DCHS1: variants seen among roughly 807,000 people sequenced by gnomAD.
DCHS1 encodes the protein dachsous cadherin-related 1.
Under a neutral mutation model 213.9 loss-of-function variants are expected in DCHS1, and 78 were observed. The ratio of observed to expected loss-of-function variants is 0.36; its 90% CI spans 0.30 to 0.44. The LOEUF is 0.44. Ranked by LOEUF, DCHS1 falls within the 20% of genes least tolerant of loss-of-function variation. The pLI is 1.00. For missense variants in DCHS1, 3,946 were observed against 4,395.9 expected (o/e 0.90, Z 2.89); for synonymous variants, 1,828 against 1,873.7 (o/e 0.98, Z 0.63).
rs943667814 is a variant in DCHS1 at position 6,642,811 on chromosome 11, T to G, written c.-120-1078A>C. 2.0e-5 allele frequency among the ~76,000 whole-genome samples: 3 copies of G among 152,228 alleles called. No homozygotes were observed. In the East Asian group the frequency reaches 5.8e-4, roughly 29 times the overall value. On this transcript the variant is annotated intron_variant, in intron 1 of 20. Transcript: ENST00000299441. ...ACCTATATTTTGTGAAGATGGCTAT[T>G]GCAGTCCTTTGGAAAGCAAAGATCA...
In DCHS1 at chr11:6,622,744, C is replaced by A; in HGVS notation, c.8932G>T (p.Ala2978Ser). The A allele has an allele frequency of 1.3e-6, 2 of 1,591,448 alleles. No homozygotes were observed. The highest frequency in any genetic ancestry group is 2.3e-5 in the East Asian group (1 of 43,548). Residue 2978 changes from alanine to serine, a missense_variant, in exon 21 of 21, where the codon GCA becomes TCA. Ala to Ser is a moderately conservative substitution (Grantham distance 99). Transcript: ENST00000299441. The surrounding 1 kb of genome is among the most constrained non-coding windows in gnomAD (Gnocchi z 5.4). ...AEAAPGPMSQ[A>S]APLASDSLQK... is the part of the protein sequence containing the mutation. ...AGTGAGTCACTGGCTAGGGGTGCTGCCTGTGACATTGGGCCAGGGGCTGCC... is the reference window on the plus strand; with the variant it reads ...AGTGAGTCACTGGCTAGGGGTGCTGACTGTGACATTGGGCCAGGGGCTGCC...
In DCHS1 at chr11:6,640,056, A is replaced by T. The variant is rs765507935; in HGVS notation, c.1558T>A (p.Trp520Arg). ...YSLAPGAHTH[W>R]FSIDPTSGII... ...CCTGAGGTGGGGTCAATGGAGAACC[A>T]GTGGGTGTGGGCGCCAGGGGCTAGG... Residue 520 changes from tryptophan to arginine, a missense_variant, in exon 2 of 21, where the codon TGG (tryptophan) becomes AGG (arginine). Trp to Arg is a moderately radical substitution (Grantham distance 101). Transcript: ENST00000299441. This position sits in a 1 kb window ranked among gnomAD's most constrained non-coding sequence, Gnocchi z 6.5. The T allele has an allele frequency of 6.2e-7, 1 of 1,614,004 alleles. No individual in the cohort carries two copies. The highest frequency in any genetic ancestry group is 8.5e-7 in the Non-Finnish European group (1 of 1,179,874).
Position 6,622,454 on chromosome 11 carries a change from A to T in DCHS1, c.9222T>A (p.Asp3074Glu). Residue 3074 changes from aspartate to glutamate, a missense_variant, in exon 21 of 21, where the codon GAT (aspartate) becomes GAA (glutamate). Physicochemically the swap from Asp to Glu is conservative, Grantham distance 45. Around this residue, in one of 3 missense-constraint regions of DCHS1, gnomAD observed 554 missense variants for 590.2 expected, o/e 0.94. Transcript: ENST00000299441. The surrounding 1 kb of genome is among the most constrained non-coding windows in gnomAD (Gnocchi z 5.4). ...GTTCGCAGGATGTGTCACTCAGACCATCTGCATCCTGCTGGATGCCTGAGT... is the reference window on the plus strand; with the variant it reads ...GTTCGCAGGATGTGTCACTCAGACCTTCTGCATCCTGCTGGATGCCTGAGT... ...GPDSGIQQDA[D>E]GLSDTSCEPP... The T allele has an allele frequency of 1.3e-6, 2 of 1,562,908 alleles. No individual in the cohort carries two copies. Among genetic ancestry groups the T allele is most frequent in the Non-Finnish European group, 1.7e-6 (2 of 1,153,470 alleles).
Position 6,626,422 on chromosome 11 carries a change from G to A in DCHS1, c.6365-42C>T, listed in dbSNP as rs1470257928. The A allele has an allele frequency of 6.2e-7, 1 of 1,606,242 alleles. No homozygotes were observed. Among genetic ancestry groups the A allele is most frequent in the South Asian group, 1.1e-5 (1 of 90,440 alleles). ...GCATCAGTGATAGCCCCCTTTGCTT[G>A]CCCTGGAGCCTCCTTCTCTAAGACC... is the stretch of plus-strand genomic sequence containing the variant. On this transcript the variant is annotated intron_variant, in intron 15 of 20. Coordinates refer to ENST00000299441, the MANE Select transcript of DCHS1 (RefSeq NM_003737.4). This position sits in a 1 kb window ranked among gnomAD's most constrained non-coding sequence, Gnocchi z 5.2.
In DCHS1 at chr11:6,628,687, G is replaced by A. The variant is rs1411851788; in HGVS notation, c.5305C>T (p.Leu1769Phe). ...EVPEGQDPQT[L>F]TMLRASDPDV... The stretch of plus-strand genomic sequence containing the variant: ...GGATCAGAGGCCCGAAGCATGGTAA[G>A]GGTCTGGGGGTCCTGGCCCTCAGGC... The change falls in exon 13 of 21, where the codon CTT becomes TTT. Residue 1769 changes from leucine to phenylalanine, a missense_variant. Coordinates refer to ENST00000299441, the MANE Select transcript of DCHS1 (RefSeq NM_003737.4). The surrounding 1 kb of genome is among the most constrained non-coding windows in gnomAD (Gnocchi z 4.3). 1.9e-6 allele frequency: 3 copies of A among 1,613,930 alleles called. No homozygotes were observed. Among genetic ancestry groups the A allele is most frequent in the Non-Finnish European group, 2.5e-6 (3 of 1,179,904 alleles).
Position 6,631,661 on chromosome 11 carries a change from C to A in DCHS1, c.3630G>T (p.Thr1210=). ...CAGCAGCTCCTGAAGCCTGCAGGAACGTGGGGCTGTTGTCGTTGAGGTCAA... is the reference window on the plus strand; with the variant it reads ...CAGCAGCTCCTGAAGCCTGCAGGAAAGTGGGGCTGTTGTCGTTGAGGTCAA... The part of the protein sequence containing the change: ...AVLDLNDNSP[T]FLQASGAAGG... Residue 1210 remains threonine, a synonymous_variant, in exon 7 of 21, where the codon ACG becomes ACT. Transcript: ENST00000299441. 6.2e-7 allele frequency: 1 copy of A among 1,603,636 alleles called. No homozygotes were observed. Among genetic ancestry groups the A allele is most frequent in the Non-Finnish European group, 8.5e-7 (1 of 1,174,914 alleles).
At position 6,625,982 on chromosome 11, in the gene DCHS1, G is replaced by A. The variant is rs1277486635; in HGVS notation, c.6669C>T (p.Asp2223=). The A allele has an allele frequency of 1.2e-6, 2 of 1,613,416 alleles. No individual in the cohort carries two copies. Among genetic ancestry groups the A allele is most frequent in the Non-Finnish European group, 8.5e-7 (1 of 1,179,716 alleles). Residue 2223 remains aspartate, a synonymous_variant, in exon 17 of 21, where the codon GAC becomes GAT. Transcript: ENST00000299441. The surrounding 1 kb of genome is among the most constrained non-coding windows in gnomAD (Gnocchi z 5.3). ...SQPARGLFHV[D]PTTGTITTTA... is the part of the protein sequence containing the mutation. Reference sequence around the variant, plus strand: ...TGGTAGTGATAGTGCCTGTGGTTGGGTCTACGTGGAACAATCCACGTGCCG... The same window carrying A: ...TGGTAGTGATAGTGCCTGTGGTTGGATCTACGTGGAACAATCCACGTGCCG...
Position 6,623,293 on chromosome 11 carries a change from C to T in DCHS1, c.8383G>A (p.Ala2795Thr), listed in dbSNP as rs1443582085. The T allele has an allele frequency of 3.1e-6, 5 of 1,588,686 alleles. No individual in the cohort carries two copies. The highest frequency in any genetic ancestry group is 4.3e-6 in the Non-Finnish European group (5 of 1,167,502). Residue 2795 changes from alanine (A) to threonine (T), a missense_variant, in exon 21 of 21, where the codon GCC (alanine) becomes ACC (threonine). Ala to Thr is a moderately conservative substitution (Grantham distance 58). Coordinates refer to ENST00000299441, the MANE Select transcript of DCHS1 (RefSeq NM_003737.4). ...ACTAGCACCGACACAGTGACAGAGGCTGAGAGATTCCCAGCATCAGCAGCA... is the reference window on the plus strand; with the variant it reads ...ACTAGCACCGACACAGTGACAGAGGTTGAGAGATTCCCAGCATCAGCAGCA... ...VGAADAGNLS[A>T]SVTVSVLVTG...
intron 1 of DCHS1, among the ~76,000 whole-genome samples, chr11:6,652,980 C>T (rs1408955849): frequency 6.6e-6 from 1 of 152,210 alleles, no homozygotes; most frequent in East Asian, 1.9e-4. Flanking sequence ...TTCTCAGGCT[C>T]TTTCTCCAGT....
At chr11:6,635,189 T>C (rs536911904) in intron 2 of DCHS1, 1 of 152,366 alleles carries the variant, frequency 6.6e-6, no homozygotes, top group East Asian at 1.9e-4. Flanking sequence ...TGATTAATAC[T>C]GGGATCTGAT....
At chr11:6,642,549 A>G (rs2555181) in intron 1 of DCHS1, among the ~76,000 whole-genome samples, 96,490 of 150,926 alleles carry the variant, frequency 0.64, 30,956 homozygotes, top group East Asian at 0.78. Context: ...AGAAAGGAGA[A>G]AAGGACATTC....
chr11:6,649,604 C>T (rs925925947), intron 1 of DCHS1, among the ~76,000 whole-genome samples: 5 of 152,016 alleles, frequency 3.3e-5, no homozygotes, highest in Admixed American at 1.3e-4. Context: ...TTACCATGTG[C>T]CAAATGCCAT....
Position 6,631,141 on chromosome 11 carries a change from C to A in DCHS1, c.3842G>T (p.Arg1281Leu), listed in dbSNP as rs758356100. ...GELLTAAPLI[R>L]AERPHYVLTL... Reference sequence around the variant, plus strand: ...CAGCACATAGTGGGGCCGCTCTGCTCGGATCAGGGGAGCTGCAGTGAGCAG... The same window carrying A: ...CAGCACATAGTGGGGCCGCTCTGCTAGGATCAGGGGAGCTGCAGTGAGCAG... The change falls in exon 9 of 21, where the codon CGA (arginine) becomes CTA (leucine). Residue 1281 changes from arginine to leucine, a missense_variant. Coordinates refer to ENST00000299441, the MANE Select transcript of DCHS1 (RefSeq NM_003737.4). 1 of 1,613,376 alleles carries A rather than the reference C, an allele frequency of 6.2e-7. No individual in the cohort carries two copies. The highest frequency in any genetic ancestry group is 8.5e-7 in the Non-Finnish European group (1 of 1,179,548).
At chr11:6,647,123 G>A (rs1209856565) in intron 1 of DCHS1, among the ~76,000 whole-genome samples, 1 of 152,194 alleles carries the variant, frequency 6.6e-6, no homozygotes, top group Non-Finnish European at 1.5e-5. Flanking sequence ...AGAAGTGGAG[G>A]AAGAAGAGGG....
chr11:6,640,883 G>A lies in DCHS1; in HGVS notation c.731C>T (p.Thr244Ile), dbSNP rs768042103. The A allele has an allele frequency of 3.1e-6, 5 of 1,614,068 alleles. No homozygotes were observed. The South Asian group carries it at 5.5e-5, about 18-fold the overall frequency. Residue 244 changes from threonine to isoleucine, a missense_variant, in exon 2 of 21, where the codon ACA becomes ATA. Thr to Ile is a moderately conservative substitution (Grantham distance 89). Around this residue, in one of 3 missense-constraint regions of DCHS1, gnomAD observed 3,384 missense variants for 3,780.1 expected, o/e 0.90. Transcript: ENST00000299441. The surrounding 1 kb of genome is among the most constrained non-coding windows in gnomAD (Gnocchi z 6.5). ...PRRAQALLDV[T>I]LLDINDHAPA... ...GGCATGGTCATTGATGTCCAGCAGT[G>A]TCACGTCCAGCAGGGCCTGGGCCCT...
chr11:6,626,053 G>C lies in DCHS1; in HGVS notation c.6598C>G (p.Gln2200Glu). 6.2e-7 allele frequency: 1 copy of C among 1,611,360 alleles called. No individual in the cohort carries two copies. The highest frequency in any genetic ancestry group is 8.5e-7 in the Non-Finnish European group (1 of 1,178,766). The change falls in exon 17 of 21, where the codon CAA (glutamine) becomes GAA (glutamate). Residue 2200 changes from glutamine (Q) to glutamate (E), a missense_variant. Gln to Glu is a conservative substitution (Grantham distance 29). Coordinates refer to ENST00000299441, the MANE Select transcript of DCHS1 (RefSeq NM_003737.4). The surrounding 1 kb of genome is among the most constrained non-coding windows in gnomAD (Gnocchi z 5.2). Reference sequence around the variant, plus strand: ...TAGGAAATCTGTCCTCCAGAGCCTTGATCCAGGTCATCCGCCTCCACCTGG... The same window carrying C: ...TAGGAAATCTGTCCTCCAGAGCCTTCATCCAGGTCATCCGCCTCCACCTGG... ...LLQVEADDLD[Q>E]GSGGQISYSL...
At position 6,626,721 on chromosome 11, in the gene DCHS1, G is replaced by A; in HGVS notation, c.6251-56C>T. 4 of 1,610,552 alleles carry A rather than the reference G, an allele frequency of 2.5e-6. 1 individual carries two copies. In the South Asian group the frequency reaches 4.4e-5, roughly 18 times the overall value. On this transcript the variant is annotated intron_variant, in intron 14 of 20. Transcript: ENST00000299441. The surrounding 1 kb of genome is among the most constrained non-coding windows in gnomAD (Gnocchi z 5.2). ...AGCGCGAGACTGGGAGAGTTTGGGG[G>A]ACATTTTCAAAGCACAACCCCAGCC... is the stretch of plus-strand genomic sequence containing the variant.
At chr11:6,650,192 GCTT>G (rs1242965134) in intron 1 of DCHS1, among the ~76,000 whole-genome samples, 1 of 152,140 alleles carries the variant, frequency 6.6e-6, no homozygotes, top group Non-Finnish European at 1.5e-5. Flanking sequence ...GAGATAACAA[GCTT>G]CTTCTATCCA....
intron 1 of DCHS1, among the ~76,000 whole-genome samples, chr11:6,645,844 C>T (rs989624766): frequency 2.0e-5 from 3 of 152,158 alleles, no homozygotes; most frequent in Non-Finnish European, 4.4e-5. Context: ...AAGATGCATT[C>T]CCATGCAGGC....
Sources: allele counts gnomAD v4.1 joint callset (sites outside exome capture counted in the v4.1 genomes callset), GRCh38; gene constraint gnomAD v4.1.1; regional missense constraint gnomAD v4.1.1; non-coding constraint Gnocchi (gnomAD v3.1); transcripts MANE v1.5; gene names NCBI Gene and HGNC (gene_info 2026-07-23, HGNC 2026-07-21).